Variants in PTPRN2 observed in about 807,000 individuals in gnomAD.
PTPRN2 encodes receptor-type tyrosine-protein phosphatase N2.
In PTPRN2, 74 loss-of-function variants were observed where a neutral mutation model predicts 118.8. That is an observed-to-expected ratio of 0.62 (90% confidence interval 0.52 to 0.76). The LOEUF is 0.76. Among genes scored for constraint, PTPRN2 ranks in the 30% least tolerant of loss-of-function variants. The probability of loss-of-function intolerance (pLI) is 0.00; values close to 1 mark genes in which losing one functional copy is unlikely to be tolerated. For missense variants in PTPRN2, 1,481 were observed against 1,394.4 expected (o/e 1.06, Z -0.99); for synonymous variants, 641 against 608.0 (o/e 1.05, Z -0.80).
intron 2 of PTPRN2, among the ~76,000 whole-genome samples, chr7:158,418,842 T>G (rs1168253108): frequency 4.6e-5 from 7 of 151,266 alleles, no homozygotes. Flanking sequence ...TTAAGTCATG[T>G]TGTACTACAT....
chr7:157,650,571 C>G (rs934248606), intron 14 of PTPRN2, among the ~76,000 whole-genome samples: 3 of 152,256 alleles, frequency 2.0e-5, no homozygotes, highest in Admixed American at 1.3e-4. Context: ...AGCCCAGCCG[C>G]GTGGCCCCAG....
chr7:158,328,890 C>G (rs1459308143), intron 2 of PTPRN2, among the ~76,000 whole-genome samples: 1 of 150,128 alleles, frequency 6.7e-6, no homozygotes, highest in Non-Finnish European at 1.5e-5. Context: ...CTCTGTTCCT[C>G]TCGCCACCCA....
intron 1 of PTPRN2, among the ~76,000 whole-genome samples, chr7:158,506,799 A>C (rs1197006474): frequency 6.7e-6 from 1 of 149,458 alleles, no homozygotes; most frequent in African/African-American, 2.5e-5. Flanking sequence ...GTGTCTCCTC[A>C]CTCCCCCGCC....
In PTPRN2 at chr7:157,679,659, G is replaced by A. The variant is rs960622650; in HGVS notation, c.2001+3066C>T. ...CTCTCTTACTCCCCAGGAGCACAAC[G>A]TGGGCCCCCTGTGGTCCCAAGCCCA... is the stretch of plus-strand genomic sequence containing the variant. On this transcript the variant is annotated intron_variant, in intron 13 of 22. Transcript: ENST00000389418. Among the ~76,000 whole-genome samples the A allele has an allele frequency of 3.9e-5, 6 of 152,118 alleles. No homozygotes were observed. In the East Asian group the frequency reaches 5.8e-4, roughly 15 times the overall value.
chr7:157,673,214 G>T (rs1475133709), intron 13 of PTPRN2, among the ~76,000 whole-genome samples: 1 of 152,142 alleles, frequency 6.6e-6, no homozygotes, highest in East Asian at 1.9e-4. Flanking sequence ...AATAGAGACG[G>T]GGTTTCGCCA....
At chr7:158,273,822 TGGGGGAGCCGCAGACACA>T (rs1216112770) in intron 3 of PTPRN2, among the ~76,000 whole-genome samples, 87 of 14,440 alleles carry the variant, frequency 6.0e-3, no homozygotes, top group East Asian at 0.054. Flanking sequence ...GCCGCAGGCA[TGGGGGAGCCGCAGACACA>T]GGGGGAGCCG....
chr7:157,993,200 C>T (rs921151843), intron 11 of PTPRN2, among the ~76,000 whole-genome samples: 27 of 152,276 alleles, frequency 1.8e-4, no homozygotes, highest in African/African-American at 5.5e-4. Context: ...TCTATCAAAA[C>T]GTAAATAGAT....
chr7:158,382,839 C>T (rs1389624026), intron 2 of PTPRN2, among the ~76,000 whole-genome samples: 2 of 152,156 alleles, frequency 1.3e-5, no homozygotes, highest in African/African-American at 4.8e-5. Context: ...CAATCAATTG[C>T]TTGCAGACAC....
At chr7:158,483,254 G>A (rs1185010491) in intron 2 of PTPRN2, among the ~76,000 whole-genome samples, 3 of 152,208 alleles carry the variant, frequency 2.0e-5, no homozygotes, top group African/African-American at 7.2e-5. Flanking sequence ...TGAACCTGGA[G>A]AGGGGTGAGA....
At chr7:158,047,296 G>A (rs1808950897) in intron 11 of PTPRN2, among the ~76,000 whole-genome samples, 1 of 152,224 alleles carries the variant, frequency 6.6e-6, no homozygotes, top group South Asian at 2.1e-4. Context: ...AGGAGCCGAG[G>A]GCAGGTCACT....
At chr7:157,710,523 G>C (rs1380159606) in intron 12 of PTPRN2, among the ~76,000 whole-genome samples, 1 of 140,848 alleles carries the variant, frequency 7.1e-6, no homozygotes, top group Non-Finnish European at 1.5e-5. Flanking sequence ...CCAGGGCAGA[G>C]AGTGACATGG....
intron 12 of PTPRN2, among the ~76,000 whole-genome samples, chr7:157,786,430 T>C (rs1347216829): frequency 6.6e-6 from 1 of 152,226 alleles, no homozygotes; most frequent in African/African-American, 2.4e-5. Context: ...AGAGGTGGGC[T>C]CATTTGCTGT....
At chr7:157,789,148 G>T (rs139363492) in intron 12 of PTPRN2, among the ~76,000 whole-genome samples, 2 of 152,222 alleles carry the variant, frequency 1.3e-5, no homozygotes, top group African/African-American at 4.8e-5. Context: ...ACTGTCTTCC[G>T]GCGGGCTGGT....
At chr7:157,668,987 G>A (rs765283941) in intron 13 of PTPRN2, among the ~76,000 whole-genome samples, 19 of 152,238 alleles carry the variant, frequency 1.2e-4, no homozygotes, top group Non-Finnish European at 2.6e-4. Flanking sequence ...AGAAGGAACC[G>A]CCTCACATGC....
intron 2 of PTPRN2, among the ~76,000 whole-genome samples, chr7:158,388,435 A>G (rs1466351742): frequency 6.6e-6 from 1 of 152,182 alleles, no homozygotes; most frequent in African/African-American, 2.4e-5. Flanking sequence ...TTTGGATGAC[A>G]CAGAACTTGG....
chr7:157,749,392 G>A (rs1266753311), intron 12 of PTPRN2, among the ~76,000 whole-genome samples: 1 of 139,778 alleles, frequency 7.2e-6, no homozygotes, highest in Non-Finnish European at 1.5e-5. Flanking sequence ...TCCCTGAGCT[G>A]TGGGGTGTCC....
chr7:158,294,589 T>C (rs967305025), intron 3 of PTPRN2, among the ~76,000 whole-genome samples: 2 of 152,172 alleles, frequency 1.3e-5, no homozygotes, highest in South Asian at 2.1e-4. Flanking sequence ...CAGACATGCG[T>C]GTGCCTCTGA....
At chr7:157,998,909 A>C (rs1280127973) in intron 11 of PTPRN2, among the ~76,000 whole-genome samples, 3 of 151,908 alleles carry the variant, frequency 2.0e-5, no homozygotes, top group Non-Finnish European at 2.9e-5. Context: ...GCCCCACGTA[A>C]GAGGGTTGTG....
chr7:157,917,825 C>T (rs1798492865), intron 11 of PTPRN2, among the ~76,000 whole-genome samples: 2 of 152,264 alleles, frequency 1.3e-5, no homozygotes, highest in South Asian at 4.1e-4. Context: ...GAAATTGTCT[C>T]CTTATTGTTC....
Sources: gnomAD v4.1 joint callset for allele counts (sites outside exome capture counted in the v4.1 genomes callset) on GRCh38, gnomAD v4.1.1 for gene constraint, MANE v1.5 for transcripts, NCBI Gene and HGNC (gene_info 2026-07-23, HGNC 2026-07-21) for gene names.